The following ARHGAP39 variants were observed in gnomAD, a reference collection of about 807,000 sequenced individuals.
The protein encoded by ARHGAP39 is Rho GTPase activating protein 39, also known as rho GTPase-activating protein 39.
In ARHGAP39, 44 loss-of-function variants were observed where a neutral mutation model predicts 106.9. That is an observed-to-expected ratio of 0.41 (90% confidence interval 0.32 to 0.53). The LOEUF (loss-of-function observed/expected upper bound fraction) is 0.53, where lower values mean the gene tolerates loss of function less well. Among genes scored for constraint, ARHGAP39 ranks in the 20% least tolerant of loss-of-function variants. The pLI is 0.21. For missense variants in ARHGAP39, 1,496 were observed against 1,577.3 expected (o/e 0.95, Z 0.87); for synonymous variants, 768 against 693.2 (o/e 1.11, Z -1.69).
At chr8:144,543,135 A>C (rs1817267256) in intron 6 of ARHGAP39, among the ~76,000 whole-genome samples, 1 of 151,714 alleles carries the variant, frequency 6.6e-6, no homozygotes, top group South Asian at 2.1e-4. Flanking sequence ...ATGCTTGGCT[A>C]ATTTCCTTTT....
intron 3 of ARHGAP39, among the ~76,000 whole-genome samples, chr8:144,561,862 A>C: frequency 7.7e-6 from 1 of 130,586 alleles, no homozygotes; most frequent in Admixed American, 7.8e-5. Context: ...CATTGGACTC[A>C]CCCCAGTGGT....
intron 1 of ARHGAP39, among the ~76,000 whole-genome samples, chr8:144,627,622 C>T (rs1027346372): frequency 5.3e-5 from 8 of 151,070 alleles, no homozygotes; most frequent in African/African-American, 1.7e-4. Context: ...CAACTGGGCA[C>T]GGGACACACG....
intron 2 of ARHGAP39, among the ~76,000 whole-genome samples, chr8:144,589,428 G>A (rs1586585178): frequency 2.0e-5 from 3 of 152,190 alleles, no homozygotes; most frequent in South Asian, 2.1e-4. Context: ...GCAGGGCAGC[G>A]GGAAGCCCCT....
chr8:144,561,628 C>T lies in ARHGAP39; in HGVS notation c.513-5985G>A, dbSNP rs749582003. ...CGCGCTCCAGTGGTTTCCATCGGAC[C>T]CCAGTGGTTTCCATCGCGCTCCAGT... is the stretch of plus-strand genomic sequence containing the variant. On this transcript the variant is annotated intron_variant, in intron 3 of 11. Transcript: ENST00000377307. Among the ~76,000 whole-genome samples the T allele has an allele frequency of 4.9e-4, 28 of 57,110 alleles. 1 individual carries two copies. Among genetic ancestry groups the T allele is most frequent in the African/African-American group, 1.4e-3 (22 of 15,902 alleles). 37.5% of individuals were successfully genotyped at this position (57,110 alleles called of 152,430 possible).
intron 3 of ARHGAP39, among the ~76,000 whole-genome samples, chr8:144,576,628 T>G (rs1818788272): frequency 6.6e-6 from 1 of 151,914 alleles, no homozygotes; most frequent in African/African-American, 2.4e-5. Context: ...CAGAGACGAG[T>G]CAAAACGAAT....
Position 144,530,420 on chromosome 8 carries a change from C to A in ARHGAP39, c.*2G>T. ...CATCCCTCCTGTCCCCGGGCGCCCC[C>A]GCTACAGCACACCCTCCATGAAGCT... On this transcript the variant is annotated 3_prime_UTR_variant, in exon 12 of 12. Coordinates refer to ENST00000377307, the MANE Select transcript of ARHGAP39 (RefSeq NM_025251.3). 1 of 1,594,100 alleles carries A rather than the reference C, an allele frequency of 6.3e-7. No homozygotes were observed. Among genetic ancestry groups the A allele is most frequent in the Admixed American group, 1.7e-5 (1 of 58,910 alleles).
intron 1 of ARHGAP39, among the ~76,000 whole-genome samples, chr8:144,675,701 T>A (rs1210434828): frequency 6.6e-6 from 1 of 151,586 alleles, no homozygotes; most frequent in Non-Finnish European, 1.5e-5. Flanking sequence ...CTGCAGACCT[T>A]CGTGGTTAGT....
At chr8:144,629,431 C>G (rs7012972) in intron 1 of ARHGAP39, among the ~76,000 whole-genome samples, 19,027 of 152,148 alleles carry the variant, frequency 0.13, 2,863 homozygotes, top group African/African-American at 0.35. Context: ...GGCTTGGCTG[C>G]ATGGGCCCTG....
chr8:144,672,421 C>T (rs1822122727), intron 1 of ARHGAP39, among the ~76,000 whole-genome samples: 1 of 152,162 alleles, frequency 6.6e-6, no homozygotes, highest in South Asian at 2.1e-4. Flanking sequence ...AGTGTTGGGG[C>T]CTCTAGTAGT....
At chr8:144,581,700 T>C (rs1172387213) in intron 2 of ARHGAP39, among the ~76,000 whole-genome samples, 1 of 152,028 alleles carries the variant, frequency 6.6e-6, no homozygotes, top group Admixed American at 6.5e-5. Context: ...TGGGTCGGGG[T>C]CTGGAGGGGC....
chr8:144,619,988 G>T (rs1412505611), intron 1 of ARHGAP39, among the ~76,000 whole-genome samples: 1 of 150,120 alleles, frequency 6.7e-6, no homozygotes, highest in East Asian at 2.0e-4. Context: ...ATCTGAGAGC[G>T]TGTGTGCCCA....
chr8:144,642,439 AT>A (rs1428619011), intron 1 of ARHGAP39, among the ~76,000 whole-genome samples: 1 of 152,194 alleles, frequency 6.6e-6, no homozygotes, highest in Admixed American at 6.5e-5. Flanking sequence ...GTGAGCTGAC[AT>A]CATGCTACCA....
chr8:144,654,990 G>A (rs1448354829), intron 1 of ARHGAP39, among the ~76,000 whole-genome samples: 1 of 152,212 alleles, frequency 6.6e-6, no homozygotes, highest in East Asian at 1.9e-4. Flanking sequence ...GGCCCAGGAA[G>A]GCCCCTCACC....
At chr8:144,629,963 T>G (rs1400408827) in intron 1 of ARHGAP39, among the ~76,000 whole-genome samples, 1 of 152,098 alleles carries the variant, frequency 6.6e-6, no homozygotes, top group African/African-American at 2.4e-5. Context: ...TGGGGGGCCC[T>G]GGGGGCTGAT....
intron 1 of ARHGAP39, among the ~76,000 whole-genome samples, chr8:144,673,004 C>G (rs1472334312): frequency 2.0e-5 from 3 of 152,226 alleles, no homozygotes; most frequent in Middle Eastern, 3.4e-3. Flanking sequence ...ATCACTTGAG[C>G]CCAAGAGTTC....
chr8:144,593,733 G>A (rs941195824), intron 2 of ARHGAP39, among the ~76,000 whole-genome samples: 2 of 152,096 alleles, frequency 1.3e-5, no homozygotes, highest in African/African-American at 4.8e-5. Flanking sequence ...GGTGGAGACT[G>A]CAGTGAGCCC....
the ARHGAP39 span, among the ~76,000 whole-genome samples, chr8:144,700,141 C>T: frequency 6.6e-6 from 1 of 152,188 alleles, no homozygotes; most frequent in Non-Finnish European, 1.5e-5. The surrounding 1 kb of genome is among the most constrained non-coding windows in gnomAD (Gnocchi z 5.6). Flanking sequence ...AGACTCTCGC[C>T]GGTCCTCGAC....
intron 1 of ARHGAP39, among the ~76,000 whole-genome samples, chr8:144,660,647 T>C (rs1035888075): frequency 6.6e-6 from 1 of 152,152 alleles, no homozygotes; most frequent in Non-Finnish European, 1.5e-5. Context: ...CTACTTCTGC[T>C]CTGTTCCAAT....
At position 144,545,475 on chromosome 8, in the gene ARHGAP39, G is replaced by A. The variant is rs541240053; in HGVS notation, c.2295C>T (p.His765=). Reference sequence around the variant, plus strand: ...CCTTGGTGGCCACCTCCAGGGCCACGTGCAGTGGGTCGGCCTTGGCCCGCC... The same window carrying A: ...CCTTGGTGGCCACCTCCAGGGCCACATGCAGTGGGTCGGCCTTGGCCCGCC... ...GDRRAKADPL[H]VALEVATKGW... is the part of the protein sequence containing the mutation. Residue 765 remains histidine, a synonymous_variant, in exon 6 of 12, where the codon CAC becomes CAT. Transcript: ENST00000377307. 93 of 1,599,354 alleles carry A rather than the reference G, an allele frequency of 5.8e-5. No homozygotes were observed. The highest frequency in any genetic ancestry group is 1.7e-4 in the Middle Eastern group (1 of 6,022).
Sources: allele counts gnomAD v4.1 joint callset (sites outside exome capture counted in the v4.1 genomes callset), GRCh38; gene constraint gnomAD v4.1.1; non-coding constraint Gnocchi (gnomAD v3.1); transcripts MANE v1.5; gene names NCBI Gene and HGNC (gene_info 2026-07-23, HGNC 2026-07-21).